CTNNAL1: variants seen among roughly 807,000 people sequenced by gnomAD.
CTNNAL1 encodes the protein alpha-catulin.
CTNNAL1 carries 69 observed loss-of-function variants against 93.6 expected under a neutral mutation model. The ratio of observed to expected loss-of-function variants is 0.74; its 90% CI spans 0.61 to 0.90. CTNNAL1 has a LOEUF of 0.90. Ranked by LOEUF, CTNNAL1 falls within the 40% of genes least tolerant of loss-of-function variation. The pLI is 0.00. For missense variants in CTNNAL1, 836 were observed against 862.0 expected (o/e 0.97, Z 0.38); for synonymous variants, 286 against 305.4 (o/e 0.94, Z 0.66).
At chr9:108,983,113 G>A in intron 6 of CTNNAL1, 32 bp downstream of exon 6, 1 of 1,353,894 alleles carries the variant, frequency 7.4e-7, no homozygotes, top group Non-Finnish European at 9.6e-7. Flanking sequence ...AATAAGAAGA[G>A]AAAAATAAAA....
intron 4 of CTNNAL1, among the ~76,000 whole-genome samples, chr9:108,986,394 A>G (rs1323219484): frequency 1.3e-5 from 2 of 148,514 alleles, no homozygotes; most frequent in Non-Finnish European, 3.0e-5. Flanking sequence ...TCCATGGTGT[A>G]TATGTGCCAC....
chr9:109,009,327 T>C (rs1827139805), intron 1 of CTNNAL1, among the ~76,000 whole-genome samples: 1 of 152,114 alleles, frequency 6.6e-6, no homozygotes, highest in African/African-American at 2.4e-5. Flanking sequence ...TCTAAAAGTG[T>C]TGTGAGCTTT....
chr9:108,980,206 G>A (rs1831388355), intron 6 of CTNNAL1, among the ~76,000 whole-genome samples: 1 of 151,992 alleles, frequency 6.6e-6, no homozygotes, highest in South Asian at 2.1e-4. Context: ...CTCACCCCCT[G>A]AACCCCCTAA....
chr9:108,995,020 C>T (rs1181178678), intron 2 of CTNNAL1, among the ~76,000 whole-genome samples: 1 of 152,164 alleles, frequency 6.6e-6, no homozygotes, highest in Admixed American at 6.5e-5. Flanking sequence ...ACACACTGAC[C>T]GCTACCTCAT....
chr9:108,994,099 G>C (rs187717151), intron 2 of CTNNAL1, among the ~76,000 whole-genome samples: 222 of 152,284 alleles, frequency 1.5e-3, no homozygotes, highest in Non-Finnish European at 2.4e-3. Context: ...AGGTGTGGTG[G>C]CAGGGGCCTG....
intron 5 of CTNNAL1, among the ~76,000 whole-genome samples, chr9:108,984,057 G>T (rs1412944458): frequency 6.6e-6 from 1 of 152,178 alleles, no homozygotes; most frequent in Non-Finnish European, 1.5e-5. Flanking sequence ...AATGAGACTG[G>T]AAAAACCCTG....
At chr9:108,983,119 TA>T in intron 6 of CTNNAL1, 25 bp downstream of exon 6, 1 of 1,378,952 alleles carries the variant, frequency 7.3e-7, no homozygotes, top group Non-Finnish European at 9.4e-7. Flanking sequence ...AAGAGAAAAA[TA>T]AAAATATACT....
chr9:108,972,864 G>GGGGGCCGCCCCC, intron 8 of CTNNAL1, 31 bp from the exon 9 acceptor site: 1 of 142,586 alleles, frequency 7.0e-6, no homozygotes, highest in Non-Finnish European at 1.0e-5. Flanking sequence ...GGGGGGGTGG[G>GGGGGCCGCCCCC]AGGGTGGAGA....
intron 1 of CTNNAL1, among the ~76,000 whole-genome samples, chr9:109,002,545 G>A (rs1199313827): frequency 6.6e-6 from 1 of 152,158 alleles, no homozygotes; most frequent in Non-Finnish European, 1.5e-5. Flanking sequence ...GATGAACTGG[G>A]AGATCTAACT....
At chr9:108,984,478 G>C in intron 4 of CTNNAL1, 42 bp from the exon 5 acceptor site, 1 of 1,065,626 alleles carries the variant, frequency 9.4e-7, no homozygotes, top group South Asian at 1.4e-5. Context: ...AAGACCATGT[G>C]AACAACCCAA....
chr9:108,990,715 T>C lies in CTNNAL1; in HGVS notation c.639+11A>G. The C allele has an allele frequency of 6.2e-7, 1 of 1,607,860 alleles. No homozygotes were observed. Among genetic ancestry groups the C allele is most frequent in the African/African-American group, 1.3e-5 (1 of 74,774 alleles). ...TTTATCTGAAGATTGTAAAATGTGA[T>C]GAATACATACATTTTGTCTATCTCC... On this transcript the variant is annotated intron_variant, in intron 4 of 18. Coordinates refer to ENST00000325551, the MANE Select transcript of CTNNAL1 (RefSeq NM_003798.4).
Position 109,013,475 on chromosome 9 carries a change from C to T in CTNNAL1, c.-33G>A. 6.8e-6 allele frequency: 9 copies of T among 1,331,448 alleles called. No individual in the cohort carries two copies. The highest frequency in any genetic ancestry group is 8.7e-6 in the Non-Finnish European group (9 of 1,035,290). The allele number at this position is 1,331,448 out of a possible 1,614,324, so 82.5% of individuals were successfully genotyped here. A position where few individuals can be genotyped will look rare whatever the true frequency, so the allele number is the denominator to read the frequency against. On this transcript the variant is annotated 5_prime_UTR_variant, in exon 1 of 19. Transcript: ENST00000325551. ...GGTCTATCCCGCAGCCGGGACTCCGCGCCGCGGCGAGCCTGCCGCCAGTCA... is the reference window on the plus strand; with the variant it reads ...GGTCTATCCCGCAGCCGGGACTCCGTGCCGCGGCGAGCCTGCCGCCAGTCA...
intron 11 of CTNNAL1, among the ~76,000 whole-genome samples, chr9:108,960,810 T>C (rs1830802956): frequency 6.6e-6 from 1 of 152,198 alleles, no homozygotes; most frequent in African/African-American, 2.4e-5. Flanking sequence ...CTTTTAGGTG[T>C]GGTCCCTTCT....
At chr9:108,997,905 C>T (rs1471156420) in intron 2 of CTNNAL1, among the ~76,000 whole-genome samples, 3 of 152,188 alleles carry the variant, frequency 2.0e-5, no homozygotes, top group Non-Finnish European at 4.4e-5. Flanking sequence ...TCCTCACACC[C>T]CCTAAAATGT....
At position 108,977,018 on chromosome 9, in the gene CTNNAL1, C is replaced by T; in HGVS notation, c.1132G>A (p.Glu378Lys). The change falls in exon 8 of 19, where the codon GAA (glutamate) becomes AAA (lysine). Residue 378 changes from glutamate (E) to lysine (K), a missense_variant. Transcript: ENST00000325551. Reference protein sequence around the residue: ...QSKKTKSIAEELELSILKISH... With the variant: ...QSKKTKSIAEKLELSILKISH... ...ATTTTCAAAATACTGAGTTCCAGTTCTTCAGCGATGCTTTTTGTTTTCTTG... is the reference window on the plus strand; with the variant it reads ...ATTTTCAAAATACTGAGTTCCAGTTTTTCAGCGATGCTTTTTGTTTTCTTG... The T allele has an allele frequency of 2.0e-6, 3 of 1,537,776 alleles. No individual in the cohort carries two copies. Among genetic ancestry groups the T allele is most frequent in the Non-Finnish European group, 2.6e-6 (3 of 1,143,266 alleles).
At chr9:109,002,019 C>T (rs943168036) in intron 1 of CTNNAL1, among the ~76,000 whole-genome samples, 1 of 152,062 alleles carries the variant, frequency 6.6e-6, no homozygotes, top group Non-Finnish European at 1.5e-5. Flanking sequence ...GAACTTCGAG[C>T]GAATAAAAAC....
At chr9:108,972,864 G>GGGGTGC in intron 8 of CTNNAL1, 31 bp from the exon 9 acceptor site, 1 of 142,590 alleles carries the variant, frequency 7.0e-6, no homozygotes, top group Non-Finnish European at 1.0e-5. Flanking sequence ...GGGGGGGTGG[G>GGGGTGC]AGGGTGGAGA....
rs28361146 is a variant in CTNNAL1, at chr9:108,971,396, T to C, written c.1348-902A>G. 1.5e-3 allele frequency among the ~76,000 whole-genome samples: 226 copies of C among 152,344 alleles called. 1 individual carries two copies. Among genetic ancestry groups the C allele is most frequent in the African/African-American group, 5.1e-3 (210 of 41,574 alleles). ...ACATGGGTTCCGTTTTTTGTTTGGT[T>C]GTTGATATGGTTTGGCTGTGTCCCT... On this transcript the variant is annotated intron_variant, in intron 9 of 18. Transcript: ENST00000325551.
At chr9:108,945,423 TG>T (rs1220344186) in intron 15 of CTNNAL1, among the ~76,000 whole-genome samples, 4 of 152,082 alleles carry the variant, frequency 2.6e-5, no homozygotes, top group African/African-American at 4.8e-5. Flanking sequence ...AAATGTATTT[TG>T]TTTTTTTTTA....
Sources: gnomAD v4.1 joint callset for allele counts (sites outside exome capture counted in the v4.1 genomes callset) on GRCh38, gnomAD v4.1.1 for gene constraint, MANE v1.5 for transcripts, NCBI Gene and HGNC (gene_info 2026-07-23, HGNC 2026-07-21) for gene names.